The following CACNA2D3 variants were observed in gnomAD, a reference collection of about 807,000 sequenced individuals.
The protein encoded by CACNA2D3 is calcium voltage-gated channel auxiliary subunit alpha2delta 3, also known as voltage-dependent calcium channel subunit alpha-2/delta-3.
In CACNA2D3, 60 loss-of-function variants were observed where a neutral mutation model predicts 160.6. The ratio of observed to expected loss-of-function variants is 0.37; its 90% confidence interval spans 0.30 to 0.46. The LOEUF is 0.46. CACNA2D3 is among the 20% of genes least tolerant of loss of function. The pLI is 1.00. For synonymous variants in CACNA2D3, 558 were observed against 492.9 expected (o/e 1.13, Z -1.75); for missense variants, 1,205 against 1,365.0 (o/e 0.88, Z 1.85).
At chr3:54,809,476 G>T (rs1434540931) in intron 13 of CACNA2D3, among the ~76,000 whole-genome samples, 1 of 143,190 alleles carries the variant, frequency 7.0e-6, no homozygotes, top group African/African-American at 2.8e-5. Flanking sequence ...CCGCCACCGC[G>T]CCCGGCTAAT....
intron 3 of CACNA2D3, among the ~76,000 whole-genome samples, chr3:54,328,015 G>A (rs1704154862): frequency 6.6e-6 from 1 of 152,140 alleles, no homozygotes. Flanking sequence ...AGTGTTTCAC[G>A]GTTATAAGCA....
At chr3:54,411,499 C>A (rs2106727893) in intron 4 of CACNA2D3, among the ~76,000 whole-genome samples, 1 of 152,286 alleles carries the variant, frequency 6.6e-6, no homozygotes, top group East Asian at 1.9e-4. Flanking sequence ...AGAAAGATTA[C>A]AACTCACTAA....
chr3:54,579,502 T>C (rs1340667247), intron 8 of CACNA2D3, among the ~76,000 whole-genome samples: 1 of 152,194 alleles, frequency 6.6e-6, no homozygotes, highest in Non-Finnish European at 1.5e-5. Context: ...AAACTGCCCA[T>C]CAAACTTTCC....
In CACNA2D3 at chr3:54,656,797, ACCCTTCC is replaced by A. The variant is rs1250816904; in HGVS notation, c.1167+14566_1167+14572del. On this transcript the variant is annotated intron_variant, in intron 11 of 37. Transcript: ENST00000474759. ...CTGTTCTCCACACAGCAGCAGAGTA[ACCCTTCC>A]CCCTTCCCCAGTTAGAATTGGTACA... Among the ~76,000 whole-genome samples the A allele has an allele frequency of 4.6e-5, 7 of 152,258 alleles. No individual in the cohort carries two copies. The East Asian group carries it at 7.7e-4, about 17-fold the overall frequency.
At chr3:55,067,098 T>TGGGG (rs560175834) in intron 35 of CACNA2D3, among the ~76,000 whole-genome samples, 41 of 148,338 alleles carry the variant, frequency 2.8e-4, no homozygotes, top group African/African-American at 8.0e-4. Context: ...CAATCTTTTG[T>TGGGG]AGCGGGGGGG....
intron 4 of CACNA2D3, among the ~76,000 whole-genome samples, chr3:54,488,456 C>T (rs1454732205): frequency 2.0e-5 from 3 of 152,078 alleles, no homozygotes. Flanking sequence ...TGAAACCCTC[C>T]ATCATGGCAT....
chr3:54,503,175 G>C (rs897878376), intron 4 of CACNA2D3, among the ~76,000 whole-genome samples: 1 of 152,182 alleles, frequency 6.6e-6, no homozygotes, highest in South Asian at 2.1e-4. Context: ...GCTACATAAA[G>C]TCAGGGTCTC....
chr3:54,181,028 A>C (rs546404601), intron 2 of CACNA2D3, among the ~76,000 whole-genome samples: 3 of 152,114 alleles, frequency 2.0e-5, no homozygotes, highest in Non-Finnish European at 2.9e-5. Context: ...CCTGCCCCCC[A>C]CCATATATAA....
intron 19 of CACNA2D3, 60 bp downstream of exon 19, chr3:54,879,149 G>T (rs1203678058): frequency 1.8e-6 from 2 of 1,122,882 alleles, no homozygotes; most frequent in African/African-American, 3.1e-5. Flanking sequence ...TGAAAAATTA[G>T]CTTTGAAAGC....
At chr3:54,931,906 C>T (rs1287827013) in intron 27 of CACNA2D3, among the ~76,000 whole-genome samples, 2 of 152,296 alleles carry the variant, frequency 1.3e-5, no homozygotes, top group Middle Eastern at 3.4e-3. Context: ...AAAGGCCAGG[C>T]TCAGTGGTTC....
intron 11 of CACNA2D3, among the ~76,000 whole-genome samples, chr3:54,680,486 G>A (rs1006207887): frequency 5.3e-5 from 8 of 152,220 alleles, no homozygotes; most frequent in African/African-American, 1.9e-4. Flanking sequence ...CCCAGCCTGG[G>A]TCTTGCCTGA....
Position 54,319,116 on chromosome 3 carries a change from T to G in CACNA2D3, c.205-1326T>G, listed in dbSNP as rs1219732492. ...CCCAGTATTACTGCGTCAAAAGACT[T>G]GGACATTTGAGCATTTGAACAAGGA... On this transcript the variant is annotated intron_variant, in intron 2 of 37. Transcript: ENST00000474759. Among the ~76,000 whole-genome samples the G allele has an allele frequency of 2.6e-5, 4 of 151,216 alleles. No individual in the cohort carries two copies. The East Asian group carries it at 5.8e-4, about 22-fold the overall frequency.
intron 5 of CACNA2D3, among the ~76,000 whole-genome samples, chr3:54,528,675 G>A (rs973837214): frequency 6.6e-6 from 1 of 152,114 alleles, no homozygotes. Flanking sequence ...TGCCAGATAC[G>A]TGTGAACCTT....
chr3:54,660,761 T>C (rs1215793616), intron 11 of CACNA2D3, among the ~76,000 whole-genome samples: 1 of 152,188 alleles, frequency 6.6e-6, no homozygotes, highest in African/African-American at 2.4e-5. Flanking sequence ...CTGGCTCCTC[T>C]CAGACCCTTC....
At chr3:54,251,031 G>A (rs1322414204) in intron 2 of CACNA2D3, among the ~76,000 whole-genome samples, 1 of 152,182 alleles carries the variant, frequency 6.6e-6, no homozygotes, top group African/African-American at 2.4e-5. Context: ...GGCAGCACTA[G>A]CCTACAGACT....
Position 54,680,284 on chromosome 3 carries a change from C to T in CACNA2D3, c.1167+38043C>T, listed in dbSNP as rs183627025. On this transcript the variant is annotated intron_variant, in intron 11 of 37. Coordinates refer to ENST00000474759, the MANE Select transcript of CACNA2D3 (RefSeq NM_018398.3). ...AAAAGGAGAAGCTGATAATCTTGCT[C>T]AGCTCAACAACACTTCCTTTTTATT... Among the ~76,000 whole-genome samples the T allele has an allele frequency of 1.1e-3, 175 of 152,348 alleles. 1 individual carries two copies. Among genetic ancestry groups the T allele is most frequent in the Non-Finnish European group, 2.0e-3 (137 of 68,036 alleles).
At chr3:54,687,127 T>C (rs71617217) in intron 11 of CACNA2D3, among the ~76,000 whole-genome samples, 567 of 55,786 alleles carry the variant, frequency 0.01, 6 homozygotes, top group African/African-American at 0.043. Flanking sequence ...TTTTCTTTTT[T>C]TTTTTTTGTT....
chr3:54,989,599 C>G (rs1702693936), intron 31 of CACNA2D3, among the ~76,000 whole-genome samples: 1 of 152,172 alleles, frequency 6.6e-6, no homozygotes, highest in Non-Finnish European at 1.5e-5. Context: ...CAGATTACCT[C>G]TCCAAACACT....
At chr3:54,663,270 T>TGGGGGATGTTGTTGGAAGATGTGGG (rs1700003854) in intron 11 of CACNA2D3, among the ~76,000 whole-genome samples, 1 of 152,168 alleles carries the variant, frequency 6.6e-6, no homozygotes, top group African/African-American at 2.4e-5. Context: ...GGAAGATCTG[T>TGGGGGATGTTGTTGGAAGATGTGGG]GGATGTTGGT....
Sources: gnomAD v4.1 joint callset for allele counts (sites outside exome capture counted in the v4.1 genomes callset) on GRCh38, gnomAD v4.1.1 for gene constraint, MANE v1.5 for transcripts, NCBI Gene and HGNC (gene_info 2026-07-23, HGNC 2026-07-21) for gene names.